Variants in PRDM2 observed in about 807,000 individuals in gnomAD.
PRDM2 encodes PR domain zinc finger protein 2.
A neutral mutation model predicts 130.0 loss-of-function variants in PRDM2; 30 were observed. The ratio of observed to expected loss-of-function variants is 0.23; its 90% confidence interval spans 0.17 to 0.31. PRDM2 has a LOEUF of 0.31. Ranked by LOEUF, PRDM2 falls within the 10% of genes least tolerant of loss-of-function variation. The pLI, the probability that PRDM2 is intolerant of heterozygous loss-of-function variation, is 1.00. For missense variants in PRDM2, 2,011 were observed against 2,108.4 expected (o/e 0.95, Z 0.90); for synonymous variants, 871 against 782.4 (o/e 1.11, Z -1.89).
Position 13,749,347 on chromosome 1 carries a change from T to C in PRDM2, c.385-14T>C. On this transcript the variant is annotated splice_polypyrimidine_tract_variant and intron_variant, in intron 5 of 9. Coordinates refer to ENST00000311066, the MANE Select transcript of PRDM2 (RefSeq NM_001393986.1). ...CTCTGATTGGCCCGGCGCTTGTCTC[T>C]TCTCTCCCCGCAGCCAATCGCGCCG... is the stretch of plus-strand genomic sequence containing the variant. The C allele has an allele frequency of 3.4e-6, 5 of 1,472,260 alleles. No individual in the cohort carries two copies. The highest frequency in any genetic ancestry group is 4.6e-6 in the Non-Finnish European group (5 of 1,096,192). The allele number at this position is 1,472,260 out of a possible 1,614,324, so 91.2% of individuals were successfully genotyped here. A position where few individuals can be genotyped will look rare whatever the true frequency, so the allele number is the denominator to read the frequency against.
chr1:13,782,132 T>G lies in PRDM2; in HGVS notation c.4337T>G (p.Leu1446Trp). Reference sequence around the variant, plus strand: ...AAATCTGCAAAGCAGAAGGCCGACTTGAAAAATGCTTGTGAGTCATCCTCT... The same window carrying G: ...AAATCTGCAAAGCAGAAGGCCGACTGGAAAAATGCTTGTGAGTCATCCTCT... ...KNKSAKQKAD[L>W]KNACESSSHI... Residue 1446 changes from leucine to tryptophan, a missense_variant, in exon 8 of 10, where the codon TTG becomes TGG. Around this residue, in one of 5 missense-constraint regions of PRDM2, gnomAD observed 410 missense variants for 395.9 expected, o/e 1.04. Coordinates refer to ENST00000311066, the MANE Select transcript of PRDM2 (RefSeq NM_001393986.1). 2 of 1,613,702 alleles carry G rather than the reference T, an allele frequency of 1.2e-6. No individual in the cohort carries two copies. The highest frequency in any genetic ancestry group is 1.7e-6 in the Non-Finnish European group (2 of 1,179,998).
intron 6 of PRDM2, among the ~76,000 whole-genome samples, chr1:13,765,612 C>T (rs1031616094): frequency 3.9e-5 from 6 of 151,986 alleles, no homozygotes; most frequent in Admixed American, 1.3e-4. Context: ...ATTACAGGCG[C>T]GGTGGTACCG....
intron 8 of PRDM2, among the ~76,000 whole-genome samples, chr1:13,802,119 T>A (rs572204350): frequency 2.0e-5 from 3 of 152,288 alleles, no homozygotes; most frequent in African/African-American, 7.2e-5. Context: ...ACTTTACTAT[T>A]CAACCCCGGA....
rs750509177 is a variant in PRDM2 at position 13,730,965 on chromosome 1, C to A, written c.10-35C>A. 1.3e-5 allele frequency: 18 copies of A among 1,361,962 alleles called. No individual in the cohort carries two copies. In the South Asian group the frequency reaches 2.0e-4, roughly 15 times the overall value. The allele number at this position is 1,361,962 out of a possible 1,614,324, so 84.4% of individuals were successfully genotyped here. A position where few individuals can be genotyped will look rare whatever the true frequency, so the allele number is the denominator to read the frequency against. On this transcript the variant is annotated intron_variant, in intron 2 of 9. Transcript: ENST00000311066. ...AAAACCCATGATTTGAGTTTTCTTT[C>A]TTTTGCTGTGATCCTTCCATTTCTT...
intron 8 of PRDM2, among the ~76,000 whole-genome samples, chr1:13,791,815 C>T (rs535797766): frequency 1.2e-4 from 18 of 152,304 alleles, no homozygotes; most frequent in African/African-American, 1.9e-4. Flanking sequence ...CGACCTGTTG[C>T]GGGTAATAGG....
In PRDM2 at chr1:13,730,982, C is replaced by A; in HGVS notation, c.10-18C>A. 2 of 1,531,400 alleles carry A rather than the reference C, an allele frequency of 1.3e-6. No homozygotes were observed. Among genetic ancestry groups the A allele is most frequent in the Non-Finnish European group, 1.8e-6 (2 of 1,131,170 alleles). The allele number at this position is 1,531,400 out of a possible 1,614,324, so 94.9% of individuals were successfully genotyped here. A position where few individuals can be genotyped will look rare whatever the true frequency, so the allele number is the denominator to read the frequency against. ...TTTTCTTTCTTTTGCTGTGATCCTT[C>A]CATTTCTTGACTTGCAGAACACTAC... On this transcript the variant is annotated intron_variant, in intron 2 of 9. Transcript: ENST00000311066.
chr1:13,731,337 A>AAC (rs375806046), intron 3 of PRDM2, among the ~76,000 whole-genome samples: 22 of 150,834 alleles, frequency 1.5e-4, no homozygotes, highest in Middle Eastern at 3.4e-3. Context: ...CACACACACA[A>AAC]ACACACACAC....
At chr1:13,792,501 T>A (rs1279492786) in intron 8 of PRDM2, among the ~76,000 whole-genome samples, 1 of 152,262 alleles carries the variant, frequency 6.6e-6, no homozygotes, top group East Asian at 1.9e-4. Flanking sequence ...TCTCACTTGC[T>A]TTTTATAATC....
chr1:13,729,207 G>A lies in PRDM2; in HGVS notation c.10-1793G>A, dbSNP rs115298261. On this transcript the variant is annotated intron_variant, in intron 2 of 9. Transcript: ENST00000311066. ...AGTGCCTTGAGCGAGGAAGTTCTCA[G>A]TAAATACGAAGTTGTCATTAGAATT... 2.3e-3 allele frequency among the ~76,000 whole-genome samples: 348 copies of A among 152,294 alleles called. 3 individuals are homozygous for A. Among genetic ancestry groups the A allele is most frequent in the African/African-American group, 8.1e-3 (336 of 41,564 alleles).
At chr1:13,701,278 A>G (rs534120295) in intron 1 of PRDM2, among the ~76,000 whole-genome samples, 2 of 152,312 alleles carry the variant, frequency 1.3e-5, no homozygotes, top group East Asian at 3.9e-4. Flanking sequence ...ACCAGACACT[A>G]GAAGAATCAT....
intron 4 of PRDM2, among the ~76,000 whole-genome samples, chr1:13,740,933 A>C (rs1033787917): frequency 6.6e-6 from 1 of 152,182 alleles, no homozygotes; most frequent in African/African-American, 2.4e-5. Context: ...AAGGTGATTA[A>C]TGTGGGTACG....
chr1:13,768,375 G>A (rs527613136), intron 6 of PRDM2, among the ~76,000 whole-genome samples: 3 of 147,062 alleles, frequency 2.0e-5, no homozygotes, highest in Non-Finnish European at 4.5e-5. Flanking sequence ...GAGCCACCGC[G>A]CCCGGCCTTC....
chr1:13,744,294 C>T (rs1023441489), intron 5 of PRDM2, among the ~76,000 whole-genome samples: 3 of 152,300 alleles, frequency 2.0e-5, no homozygotes. Context: ...ACCTTATTAG[C>T]TTTGTAACCT....
chr1:13,731,254 T>C, intron 3 of PRDM2, 137 bp downstream of exon 3: 6 of 676,662 alleles, frequency 8.9e-6, no homozygotes, highest in Non-Finnish European at 1.5e-5. Context: ...TTATATGGTG[T>C]TGATGCATTT....
chr1:13,802,440 G>C (rs775390087), intron 8 of PRDM2, among the ~76,000 whole-genome samples: 1 of 152,178 alleles, frequency 6.6e-6, no homozygotes. Context: ...TCCCTGGACC[G>C]GTTCCGGGTC....
intron 8 of PRDM2, among the ~76,000 whole-genome samples, chr1:13,797,341 G>A (rs1307341088): frequency 2.6e-5 from 4 of 152,194 alleles, no homozygotes; most frequent in Admixed American, 1.3e-4. Flanking sequence ...AGTGAGTTTA[G>A]TGAAAACAAA....
rs76923512 is a variant in PRDM2 at position 13,784,894 on chromosome 1, C to T, written c.5036+2063C>T. The stretch of plus-strand genomic sequence containing the variant: ...TAGGTCAGGAATGTGATCCAGGGGT[C>T]CACTTACCAAGTCACCATAAACCTG... On this transcript the variant is annotated intron_variant, in intron 8 of 9. Coordinates refer to ENST00000311066, the MANE Select transcript of PRDM2 (RefSeq NM_001393986.1). Among the ~76,000 whole-genome samples, 535 of 152,286 alleles carry T rather than the reference C, an allele frequency of 3.5e-3. 4 individuals are homozygous for T. Among genetic ancestry groups the T allele is most frequent in the African/African-American group, 0.012 (497 of 41,556 alleles).
chr1:13,812,707 A>G (rs899681483), intron 8 of PRDM2, among the ~76,000 whole-genome samples: 1 of 152,214 alleles, frequency 6.6e-6, no homozygotes, highest in Non-Finnish European at 1.5e-5. Context: ...GTGTTGACAC[A>G]GAAGTCTTAC....
At chr1:13,787,041 C>G in intron 8 of PRDM2, 1 of 985,470 alleles carries the variant, frequency 1.0e-6, no homozygotes, top group Non-Finnish European at 1.2e-6. Flanking sequence ...ATCTCTTACC[C>G]CTGGTATTTC....
Sources: allele counts gnomAD v4.1 joint callset (sites outside exome capture counted in the v4.1 genomes callset), GRCh38; gene constraint gnomAD v4.1.1; regional missense constraint gnomAD v4.1.1; transcripts MANE v1.5; gene names NCBI Gene and HGNC (gene_info 2026-07-23, HGNC 2026-07-21).